Variants in ADARB2 observed in about 807,000 individuals in gnomAD.
ADARB2 encodes inactive double-stranded RNA-specific editase B2.
ADARB2 carries 25 observed loss-of-function variants against 62.2 expected under a neutral mutation model. The observed-to-expected ratio is 0.40, with a 90% CI of 0.29 to 0.56. The LOEUF (loss-of-function observed/expected upper bound fraction) is 0.56, where lower values mean the gene tolerates loss of function less well. Ranked by LOEUF, ADARB2 falls within the 20% of genes least tolerant of loss-of-function variation. The pLI is 0.43. For missense variants in ADARB2, 1,071 were observed against 1,077.4 expected (o/e 0.99, Z 0.08); for synonymous variants, 572 against 500.8 (o/e 1.14, Z -1.90).
At chr10:1,524,598 T>A (rs769755968) in intron 1 of ADARB2, among the ~76,000 whole-genome samples, 4 of 152,176 alleles carry the variant, frequency 2.6e-5, no homozygotes, top group South Asian at 2.1e-4. Flanking sequence ...TTCTATTGCC[T>A]TTTTGTTTGG....
chr10:1,658,452 G>A (rs902826695), intron 1 of ADARB2, among the ~76,000 whole-genome samples: 13 of 151,186 alleles, frequency 8.6e-5, no homozygotes, highest in Non-Finnish European at 1.6e-4. Context: ...CTCTCTCTGT[G>A]TATCTCTTTT....
At chr10:1,712,830 T>C (rs980880609) in intron 1 of ADARB2, among the ~76,000 whole-genome samples, 2 of 151,956 alleles carry the variant, frequency 1.3e-5, no homozygotes, top group African/African-American at 4.8e-5. Context: ...AGGATGGTCT[T>C]AATCTCCTGA....
chr10:1,312,769 G>A (rs546577784), intron 3 of ADARB2, among the ~76,000 whole-genome samples: 28 of 152,196 alleles, frequency 1.8e-4, no homozygotes, highest in Non-Finnish European at 3.8e-4. Flanking sequence ...TTTCCTCTGC[G>A]GAGGTGTCAC....
chr10:1,446,546 G>A (rs1180670435), intron 1 of ADARB2, among the ~76,000 whole-genome samples: 3 of 152,312 alleles, frequency 2.0e-5, no homozygotes, highest in Non-Finnish European at 2.9e-5. Context: ...AGGCGGGGGC[G>A]AAGGCATGCA....
intron 1 of ADARB2, among the ~76,000 whole-genome samples, chr10:1,402,650 G>T (rs750064205): frequency 6.6e-6 from 1 of 152,074 alleles, no homozygotes; most frequent in South Asian, 2.1e-4. Context: ...TGCCTTCCTC[G>T]CCATCAGCTC....
At chr10:1,623,186 C>T (rs1228278337) in intron 1 of ADARB2, among the ~76,000 whole-genome samples, 1 of 152,070 alleles carries the variant, frequency 6.6e-6, no homozygotes, top group Non-Finnish European at 1.5e-5. Flanking sequence ...TGGATTGTTG[C>T]AAAAACATCA....
intron 5 of ADARB2, among the ~76,000 whole-genome samples, chr10:1,234,888 A>C (rs1266032712): frequency 6.6e-6 from 1 of 151,856 alleles, no homozygotes; most frequent in Non-Finnish European, 1.5e-5. Context: ...AGTTGGGATT[A>C]CAGGTGCATG....
At chr10:1,242,380 C>G in intron 4 of ADARB2, 81 bp from the exon 5 acceptor site, 1 of 1,444,982 alleles carries the variant, frequency 6.9e-7, no homozygotes, top group Non-Finnish European at 9.2e-7. Flanking sequence ...GGTCTCACAA[C>G]AGCGGTTTCC....
intron 2 of ADARB2, among the ~76,000 whole-genome samples, chr10:1,366,102 G>A (rs1477668603): frequency 2.0e-5 from 3 of 152,178 alleles, no homozygotes; most frequent in Non-Finnish European, 2.9e-5. Context: ...GCTGATGCGT[G>A]GGTAATAAAG....
At chr10:1,634,171 G>A (rs1471638253) in intron 1 of ADARB2, among the ~76,000 whole-genome samples, 4 of 152,120 alleles carry the variant, frequency 2.6e-5, no homozygotes, top group Non-Finnish European at 4.4e-5. Context: ...GGCCACACCC[G>A]CTCCAGAGTC....
chr10:1,462,635 G>A (rs1831190877), intron 1 of ADARB2, among the ~76,000 whole-genome samples: 1 of 152,236 alleles, frequency 6.6e-6, no homozygotes, highest in Middle Eastern at 3.4e-3. Flanking sequence ...GTACATGAGT[G>A]TATGTGCCTG....
intron 1 of ADARB2, among the ~76,000 whole-genome samples, chr10:1,618,377 A>G (rs751325727): frequency 6.6e-6 from 1 of 152,230 alleles, no homozygotes; most frequent in South Asian, 2.1e-4. Context: ...TAAGTCCAAT[A>G]ATGCTTCAAA....
chr10:1,287,211 T>C (rs1057185137), intron 3 of ADARB2, among the ~76,000 whole-genome samples: 6 of 152,132 alleles, frequency 3.9e-5, no homozygotes, highest in African/African-American at 1.4e-4. Context: ...GAATAACGAG[T>C]TGAATCATAA....
At chr10:1,503,352 A>AT (rs532165381) in intron 1 of ADARB2, among the ~76,000 whole-genome samples, 26,283 of 139,826 alleles carry the variant, frequency 0.19, 2,731 homozygotes, top group Non-Finnish European at 0.25. Flanking sequence ...ATACCCAGCT[A>AT]TTTTTTTTTT....
At chr10:1,670,407 A>G (rs1227231779) in intron 1 of ADARB2, among the ~76,000 whole-genome samples, 1 of 152,246 alleles carries the variant, frequency 6.6e-6, no homozygotes, top group East Asian at 1.9e-4. Context: ...ATTTCAAAAC[A>G]TTCAGATGAT....
At chr10:1,414,589 A>G (rs1832786230) in intron 1 of ADARB2, among the ~76,000 whole-genome samples, 1 of 152,234 alleles carries the variant, frequency 6.6e-6, no homozygotes, top group South Asian at 2.1e-4. Context: ...TCACGTGCTT[A>G]ATGCAACATG....
rs28395236 is a variant in ADARB2 at position 1,397,572 on chromosome 10, C to T, written c.101-18412G>A. On this transcript the variant is annotated intron_variant, in intron 1 of 9. Coordinates refer to ENST00000381312, the MANE Select transcript of ADARB2 (RefSeq NM_018702.4). Reference sequence around the variant, plus strand: ...CACCGTCCGTCTCTCCCCTCCCGAGCGCAGGCTTCCTGGGTCACCATCAGC... The same window carrying T: ...CACCGTCCGTCTCTCCCCTCCCGAGTGCAGGCTTCCTGGGTCACCATCAGC... 0.05 allele frequency among the ~76,000 whole-genome samples: 566 copies of T among 11,250 alleles called. 75 individuals are homozygous for T. In the East Asian group the frequency reaches 0.71, roughly 14 times the overall value. 7.4% of individuals were successfully genotyped at this position (11,250 alleles called of 152,430 possible).
At chr10:1,440,781 C>T (rs1830896195) in intron 1 of ADARB2, among the ~76,000 whole-genome samples, 1 of 152,124 alleles carries the variant, frequency 6.6e-6, no homozygotes, top group Non-Finnish European at 1.5e-5. Flanking sequence ...GCATGAAATG[C>T]CAGGAGATGA....
chr10:1,642,273 G>A (rs1212057288), intron 1 of ADARB2, among the ~76,000 whole-genome samples: 3 of 148,726 alleles, frequency 2.0e-5, no homozygotes, highest in South Asian at 2.1e-4. Flanking sequence ...CACATTGTCG[G>A]TGCTCAATGA....
Sources: gnomAD v4.1 joint callset for allele counts (sites outside exome capture counted in the v4.1 genomes callset) on GRCh38, gnomAD v4.1.1 for gene constraint, MANE v1.5 for transcripts, NCBI Gene and HGNC (gene_info 2026-07-23, HGNC 2026-07-21) for gene names.